The following PARP8 variants were observed in gnomAD, a reference collection of about 807,000 sequenced individuals.
PARP8 encodes protein mono-ADP-ribosyltransferase PARP8.
In PARP8, 51 loss-of-function variants were observed where a neutral mutation model predicts 124.1. The observed-to-expected ratio is 0.41, with a 90% CI of 0.33 to 0.52. PARP8 has a LOEUF of 0.52. Among genes scored for constraint, PARP8 ranks in the 20% least tolerant of loss-of-function variants. The pLI is 0.21. For synonymous variants in PARP8, 391 were observed against 361.5 expected (o/e 1.08, Z -0.93); for missense variants, 860 against 1,018.9 (o/e 0.84, Z 2.12).
chr5:50,758,028 C>A (rs930984767), intron 3 of PARP8, among the ~76,000 whole-genome samples: 1 of 151,828 alleles, frequency 6.6e-6, no homozygotes, highest in African/African-American at 2.4e-5. Context: ...AAGTAGCAAC[C>A]GACTTCAAAT....
In PARP8 at chr5:50,842,016, G is replaced by A. The variant is rs1748237371; in HGVS notation, c.2513G>A (p.Gly838Asp). The change falls in exon 26 of 26, where the codon GGC becomes GAC. Residue 838 changes from glycine (G) to aspartate (D), a missense_variant. By Grantham distance (94) the Gly-to-Asp change is moderately conservative. Transcript: ENST00000281631. The stretch of plus-strand genomic sequence containing the variant: ...GCAAATATTAATACACAAGAAGGAG[G>A]CATTCACAAAGAGATCCTCCGAGTA... ...GDANINTQEG[G>D]IHKEILRVIG... The A allele has an allele frequency of 1.2e-6, 2 of 1,606,056 alleles. 1 individual carries two copies. The highest frequency in any genetic ancestry group is 1.7e-6 in the Non-Finnish European group (2 of 1,175,660).
At chr5:50,719,478 A>T (rs1755656894) in intron 2 of PARP8, among the ~76,000 whole-genome samples, 1 of 151,988 alleles carries the variant, frequency 6.6e-6, no homozygotes. Flanking sequence ...TTAAGTCTTT[A>T]ATTCATTTCG....
At chr5:50,694,181 C>T (rs936925294) in intron 2 of PARP8, among the ~76,000 whole-genome samples, 1 of 152,102 alleles carries the variant, frequency 6.6e-6, no homozygotes, top group Non-Finnish European at 1.5e-5. Flanking sequence ...TTTACTCATA[C>T]TATATTACTA....
chr5:50,817,988 A>G (rs1376213404), intron 15 of PARP8, among the ~76,000 whole-genome samples: 1 of 152,042 alleles, frequency 6.6e-6, no homozygotes, highest in Non-Finnish European at 1.5e-5. Context: ...CTTAAACCTA[A>G]TATTTCTTTG....
Position 50,826,746 on chromosome 5 carries a change from T to C in PARP8, c.1929-9T>C, listed in dbSNP as rs762820580. 1 of 1,579,646 alleles carries C rather than the reference T, an allele frequency of 6.3e-7. No individual in the cohort carries two copies. Among genetic ancestry groups the C allele is most frequent in the Non-Finnish European group, 8.6e-7 (1 of 1,169,118 alleles). On this transcript the variant is annotated splice_polypyrimidine_tract_variant and intron_variant, in intron 18 of 25. Transcript: ENST00000281631. ...TGTATTTGTGACTAATGGATCATTT[T>C]AATTTCAGGGTTATATCAAGTAATA...
At position 50,821,325 on chromosome 5, in the gene PARP8, C is replaced by T. The variant is rs778788248; in HGVS notation, c.1781C>T (p.Ala594Val). The change falls in exon 16 of 26, where the codon GCC becomes GTC. Residue 594 changes from alanine (A) to valine (V), a missense_variant. This residue lies in a region of PARP8 where 343 missense variants were observed against 474.7 expected (regional missense o/e 0.72). Transcript: ENST00000281631. ...GATCCTAATGATCCTCAGATGTTGG[C>T]CTTCAACCCCAGGGTAAGTTGTTAT... ...VVDPNDPQMLAFNPRKKNYDR... is the reference protein window; with the variant it reads ...VVDPNDPQMLVFNPRKKNYDR... 14 of 1,613,976 alleles carry T rather than the reference C, an allele frequency of 8.7e-6. No individual in the cohort carries two copies. The highest frequency in any genetic ancestry group is 1.1e-5 in the Non-Finnish European group (13 of 1,179,930).
intron 2 of PARP8, among the ~76,000 whole-genome samples, chr5:50,692,409 C>T (rs1217187717): frequency 6.6e-6 from 1 of 152,092 alleles, no homozygotes; most frequent in Non-Finnish European, 1.5e-5. Flanking sequence ...GCCCCTAATA[C>T]TTAGTCATCT....
In PARP8 at chr5:50,788,379, A is replaced by G. The variant is rs1374199001; in HGVS notation, c.671-144A>G. On this transcript the variant is annotated intron_variant, in intron 9 of 25. Coordinates refer to ENST00000281631, the MANE Select transcript of PARP8 (RefSeq NM_024615.4). Reference sequence around the variant, plus strand: ...TCTCCTATGTGCATATAGCATAAATAGCATTGTTTAGGACTGCATGTACAC... The same window carrying G: ...TCTCCTATGTGCATATAGCATAAATGGCATTGTTTAGGACTGCATGTACAC... 1.1e-4 allele frequency: 61 copies of G among 574,914 alleles called. No individual in the cohort carries two copies. The East Asian group carries it at 1.8e-3, about 17-fold the overall frequency. 35.6% of individuals were successfully genotyped at this position (574,914 alleles called of 1,614,324 possible). A position where few individuals can be genotyped will look rare whatever the true frequency, so the allele number is the denominator to read the frequency against.
At chr5:50,749,517 G>A (rs1758990639) in intron 2 of PARP8, among the ~76,000 whole-genome samples, 2 of 151,946 alleles carry the variant, frequency 1.3e-5, no homozygotes, top group South Asian at 4.1e-4. Flanking sequence ...AGAGGCAGCA[G>A]GGTTACTGAG....
intron 10 of PARP8, among the ~76,000 whole-genome samples, chr5:50,789,058 T>G (rs1741640652): frequency 6.6e-6 from 1 of 152,186 alleles, no homozygotes; most frequent in Admixed American, 6.5e-5. Context: ...GGGCTTCCAC[T>G]GCTCATTCCT....
At chr5:50,682,135 G>A (rs1404409185) in intron 2 of PARP8, among the ~76,000 whole-genome samples, 1 of 152,104 alleles carries the variant, frequency 6.6e-6, no homozygotes, top group Admixed American at 6.5e-5. Context: ...TTGGCAGATG[G>A]CAATACATAG....
At chr5:50,839,517 T>C (rs1747939902) in intron 25 of PARP8, among the ~76,000 whole-genome samples, 1 of 152,058 alleles carries the variant, frequency 6.6e-6, no homozygotes, top group Non-Finnish European at 1.5e-5. Context: ...TCTTGATTAT[T>C]ATATATGCAT....
At chr5:50,785,741 ATGGAGCAT>A (rs1381649674) in intron 9 of PARP8, among the ~76,000 whole-genome samples, 1 of 152,162 alleles carries the variant, frequency 6.6e-6, no homozygotes, top group Non-Finnish European at 1.5e-5. Context: ...TCCTTGATTG[ATGGAGCAT>A]TTGTGTCCCA....
rs1301369858 is a variant in PARP8, at chr5:50,843,026, T to C, written c.*958T>C. 24 of 151,732 alleles carry C rather than the reference T, an allele frequency of 1.6e-4. No individual in the cohort carries two copies. The highest frequency in any genetic ancestry group is 1.1e-3 in the Admixed American group (16 of 15,176). 9.4% of individuals were successfully genotyped at this position (151,732 alleles called of 1,614,324 possible). Reference sequence around the variant, plus strand: ...CAAAAAAATTATACAATTTTATTTATGCCACACCAGCATTTTTATATTTGT... The same window carrying C: ...CAAAAAAATTATACAATTTTATTTACGCCACACCAGCATTTTTATATTTGT... On this transcript the variant is annotated 3_prime_UTR_variant, in exon 26 of 26. Transcript: ENST00000281631.
At chr5:50,683,904 T>C (rs1579942726) in intron 2 of PARP8, among the ~76,000 whole-genome samples, 1 of 152,310 alleles carries the variant, frequency 6.6e-6, no homozygotes, top group African/African-American at 2.4e-5. Flanking sequence ...ATTCATATCT[T>C]AGCACTAAAG....
At chr5:50,676,139 C>A (rs1251326471) in intron 2 of PARP8, among the ~76,000 whole-genome samples, 7 of 152,210 alleles carry the variant, frequency 4.6e-5, no homozygotes, top group Non-Finnish European at 1.0e-4. Flanking sequence ...GTTTTTCAGA[C>A]TTACTTGATT....
At chr5:50,797,893 T>G (rs1169841737) in intron 14 of PARP8, among the ~76,000 whole-genome samples, 2 of 152,214 alleles carry the variant, frequency 1.3e-5, no homozygotes, top group Non-Finnish European at 2.9e-5. Context: ...ATATAACCAT[T>G]ACAGCTATTT....
chr5:50,767,309 A>G (rs1761149901), intron 7 of PARP8, among the ~76,000 whole-genome samples: 1 of 152,168 alleles, frequency 6.6e-6, no homozygotes, highest in African/African-American at 2.4e-5. Context: ...TCTTGGATTG[A>G]ATATTTTGTA....
At chr5:50,676,078 T>C (rs1013605301) in intron 2 of PARP8, among the ~76,000 whole-genome samples, 3 of 152,210 alleles carry the variant, frequency 2.0e-5, no homozygotes, top group African/African-American at 7.2e-5. Context: ...TTTAGAATGT[T>C]ATATATTAGT....
Sources: gnomAD v4.1 joint callset for allele counts (sites outside exome capture counted in the v4.1 genomes callset) on GRCh38, gnomAD v4.1.1 for gene constraint, gnomAD v4.1.1 regional missense constraint, MANE v1.5 for transcripts, NCBI Gene and HGNC (gene_info 2026-07-23, HGNC 2026-07-21) for gene names.